The following RBPMS variants were observed in gnomAD, a reference collection of about 807,000 sequenced individuals.
RBPMS encodes the protein RNA-binding protein with multiple splicing.
A neutral mutation model predicts 26.8 loss-of-function variants in RBPMS; 7 were observed. That is an observed-to-expected ratio of 0.26 (90% confidence interval 0.15 to 0.49). RBPMS has a LOEUF of 0.49. Among genes scored for constraint, RBPMS ranks in the 20% least tolerant of loss-of-function variants. RBPMS has a pLI of 0.98. For synonymous variants in RBPMS, 96 were observed against 93.3 expected (o/e 1.03, Z -0.17); for missense variants, 186 against 250.0 (o/e 0.74, Z 1.73).
chr8:30,492,416 A>G (rs984213130), intron 4 of RBPMS, among the ~76,000 whole-genome samples: 4 of 152,146 alleles, frequency 2.6e-5, no homozygotes, highest in African/African-American at 9.7e-5. Context: ...CCTTTCTTTA[A>G]AGAGCTGACA....
intron 1 of RBPMS, among the ~76,000 whole-genome samples, chr8:30,424,091 G>T (rs541446589): frequency 6.6e-6 from 1 of 152,094 alleles, no homozygotes; most frequent in African/African-American, 2.4e-5. Flanking sequence ...GCCCACCTCC[G>T]TCTTCCAAAG....
At chr8:30,430,399 C>A (rs1811805375) in intron 1 of RBPMS, among the ~76,000 whole-genome samples, 1 of 152,184 alleles carries the variant, frequency 6.6e-6, no homozygotes, top group South Asian at 2.1e-4. Flanking sequence ...TATTTGCAAG[C>A]TGACAGCGAA....
intron 8 of RBPMS, among the ~76,000 whole-genome samples, chr8:30,568,696 G>A (rs749578265): frequency 3.9e-5 from 6 of 152,068 alleles, no homozygotes; most frequent in South Asian, 4.1e-4. Flanking sequence ...CCCTGACCCC[G>A]CCATCCATCC....
intron 5 of RBPMS, among the ~76,000 whole-genome samples, chr8:30,508,636 T>A (rs1240824055): frequency 6.6e-6 from 1 of 152,070 alleles, no homozygotes; most frequent in Non-Finnish European, 1.5e-5. Flanking sequence ...TTTTTTTTGG[T>A]AACATACCAT....
intron 1 of RBPMS, among the ~76,000 whole-genome samples, chr8:30,450,918 T>A (rs886456346): frequency 1.3e-5 from 2 of 151,908 alleles, no homozygotes; most frequent in African/African-American, 4.8e-5. Context: ...GAAAGGCAGA[T>A]ATATATCTGG....
In RBPMS at chr8:30,566,276, G is replaced by T; in HGVS notation, c.*27G>T. The T allele has an allele frequency of 2.0e-6, 2 of 985,984 alleles. No homozygotes were observed. Among genetic ancestry groups the T allele is most frequent in the Non-Finnish European group, 2.4e-6 (2 of 830,040 alleles). 61.1% of individuals were successfully genotyped at this position (985,984 alleles called of 1,614,324 possible). A position where few individuals can be genotyped will look rare whatever the true frequency, so the allele number is the denominator to read the frequency against. ...TCCCAGGTCCCAGGTGTGTGATGGC[G>T]GCTGCAATCTGTCTTGTGGGTATTA... On this transcript the variant is annotated 3_prime_UTR_variant, in exon 8 of 9. Transcript: ENST00000397323.
chr8:30,549,772 T>TTTTCTTCTCTCTC (rs1182285469), intron 6 of RBPMS, among the ~76,000 whole-genome samples: 11 of 71,222 alleles, frequency 1.5e-4, no homozygotes, highest in East Asian at 4.9e-4. Flanking sequence ...TTTTCTTTTC[T>TTTTCTTCTCTCTC]TCTCTCTCTC....
chr8:30,425,689 C>G (rs967205818), intron 1 of RBPMS, among the ~76,000 whole-genome samples: 2 of 152,168 alleles, frequency 1.3e-5, no homozygotes, highest in African/African-American at 2.4e-5. Context: ...CATGAGCCAC[C>G]GAGCCCGGCC....
intron 4 of RBPMS, among the ~76,000 whole-genome samples, chr8:30,497,537 C>T: frequency 6.6e-6 from 1 of 152,110 alleles, no homozygotes; most frequent in Middle Eastern, 3.2e-3. Context: ...CAGAGTGAGA[C>T]TCTGTCTCAA....
chr8:30,567,892 C>A (rs548320499), intron 8 of RBPMS, among the ~76,000 whole-genome samples: 32 of 152,284 alleles, frequency 2.1e-4, no homozygotes, highest in Non-Finnish European at 4.0e-4. Flanking sequence ...TTTCTTGGGG[C>A]CTTCCCTGGG....
chr8:30,552,049 C>A (rs1006889947), intron 6 of RBPMS, among the ~76,000 whole-genome samples: 1 of 152,080 alleles, frequency 6.6e-6, no homozygotes, highest in Non-Finnish European at 1.5e-5. Context: ...GCACTTAGGA[C>A]ACAGGGACTC....
intron 7 of RBPMS, 35 bp from the exon 8 acceptor site, chr8:30,566,222 G>A (rs974764831): frequency 4.1e-6 from 4 of 983,478 alleles, no homozygotes; most frequent in East Asian, 1.1e-4. Flanking sequence ...GGAGGTTACT[G>A]TGCACCGTTA....
At chr8:30,567,424 A>T (rs1403133992) in intron 8 of RBPMS, among the ~76,000 whole-genome samples, 3 of 152,162 alleles carry the variant, frequency 2.0e-5, no homozygotes, top group Non-Finnish European at 4.4e-5. Context: ...GCACTAACCC[A>T]AGCTTTTTTC....
intron 6 of RBPMS, chr8:30,549,547 G>C (rs147781673): frequency 1.9e-6 from 3 of 1,614,020 alleles, no homozygotes; most frequent in Admixed American, 1.7e-5. Flanking sequence ...TGAGCGCTCC[G>C]TCTCCTGATA....
At chr8:30,529,793 G>A (rs1824012385) in intron 5 of RBPMS, among the ~76,000 whole-genome samples, 1 of 142,532 alleles carries the variant, frequency 7.0e-6, no homozygotes, top group Non-Finnish European at 1.5e-5. Context: ...TACTCTTGTT[G>A]CCCAGGCTGG....
intron 1 of RBPMS, among the ~76,000 whole-genome samples, chr8:30,461,448 T>G (rs1176687863): frequency 2.6e-5 from 4 of 152,148 alleles, no homozygotes; most frequent in African/African-American, 4.8e-5. Context: ...AGGCTGGAGT[T>G]CAGTGGCCCA....
At chr8:30,435,426 C>A (rs1812349428) in intron 1 of RBPMS, among the ~76,000 whole-genome samples, 1 of 152,208 alleles carries the variant, frequency 6.6e-6, no homozygotes, top group African/African-American at 2.4e-5. Context: ...CAAATACTCT[C>A]TGGAGGCCTC....
At chr8:30,484,988 G>A (rs74932890) in intron 4 of RBPMS, among the ~76,000 whole-genome samples, 3,353 of 152,224 alleles carry the variant, frequency 0.022, 56 homozygotes, top group Middle Eastern at 0.065. Flanking sequence ...TATTTACTTC[G>A]AAATGGTAAA....
chr8:30,555,601 G>C (rs373159671), intron 6 of RBPMS, among the ~76,000 whole-genome samples: 9 of 152,310 alleles, frequency 5.9e-5, no homozygotes, highest in African/African-American at 1.7e-4. Context: ...GTACACATAC[G>C]TTTTCTGCAC....
Sources: allele counts gnomAD v4.1 joint callset (sites outside exome capture counted in the v4.1 genomes callset), GRCh38; gene constraint gnomAD v4.1.1; transcripts MANE v1.5; gene names NCBI Gene and HGNC (gene_info 2026-07-23, HGNC 2026-07-21).